The following ZFPM2 variants were observed in gnomAD, a reference collection of about 807,000 sequenced individuals.
ZFPM2 encodes zinc finger protein, FOG family member 2, also known as zinc finger protein ZFPM2.
A neutral mutation model predicts 98.6 loss-of-function variants in ZFPM2; 20 were observed. That is an observed-to-expected ratio of 0.20 (90% CI 0.14 to 0.29). The LOEUF is 0.29. Ranked by LOEUF, ZFPM2 falls within the 10% of genes least tolerant of loss-of-function variation. ZFPM2 has a pLI of 1.00. For missense variants in ZFPM2, 1,310 were observed against 1,388.6 expected, an observed-to-expected ratio of 0.94 and a Z score of 0.90; for synonymous variants, 518 against 502.7, an observed-to-expected ratio of 1.03 and a Z score of -0.41.
chr8:105,528,150 A>G (rs745364060), intron 3 of ZFPM2, among the ~76,000 whole-genome samples: 19 of 152,130 alleles, frequency 1.2e-4, no homozygotes, highest in Non-Finnish European at 2.2e-4. Flanking sequence ...CAGGTGGGAG[A>G]ATCAAGGAAG....
chr8:105,494,218 T>TATATATAG (rs1813415431), intron 3 of ZFPM2, among the ~76,000 whole-genome samples: 2 of 129,332 alleles, frequency 1.5e-5, no homozygotes, highest in African/African-American at 3.2e-5. Flanking sequence ...TATATATATA[T>TATATATAG]ATATATATAA....
chr8:105,357,030 C>T (rs1038945992), intron 1 of ZFPM2, among the ~76,000 whole-genome samples: 6 of 152,154 alleles, frequency 3.9e-5, no homozygotes, highest in African/African-American at 1.4e-4. Flanking sequence ...CCATAATTTG[C>T]AATACTTTGC....
chr8:105,730,855 G>T lies in ZFPM2; in HGVS notation c.533-57863G>T, dbSNP rs567176388. On this transcript the variant is annotated intron_variant, in intron 5 of 7. Coordinates refer to ENST00000407775, the MANE Select transcript of ZFPM2 (RefSeq NM_012082.4). ...TAATGATTAGAAAGCGTTTGGAACTGTATTACCATAGGTGACAGCTCTGCA... is the reference window on the plus strand; with the variant it reads ...TAATGATTAGAAAGCGTTTGGAACTTTATTACCATAGGTGACAGCTCTGCA... Among the ~76,000 whole-genome samples the T allele has an allele frequency of 2.8e-5, 4 of 144,342 alleles. No individual in the cohort carries two copies. In the South Asian group the frequency reaches 6.7e-4, roughly 24 times the overall value. 94.7% of individuals were successfully genotyped at this position (144,342 alleles called of 152,430 possible).
intron 3 of ZFPM2, among the ~76,000 whole-genome samples, chr8:105,537,361 T>G (rs1462848073): frequency 6.6e-6 from 1 of 152,200 alleles, no homozygotes; most frequent in Non-Finnish European, 1.5e-5. Flanking sequence ...AAAATAAAAG[T>G]TAAGACAGCT....
intron 5 of ZFPM2, among the ~76,000 whole-genome samples, chr8:105,661,168 G>A (rs1386883079): frequency 6.6e-6 from 1 of 152,134 alleles, no homozygotes; most frequent in Non-Finnish European, 1.5e-5. Context: ...TGTGTGAATT[G>A]CTTAATAAGC....
intron 3 of ZFPM2, among the ~76,000 whole-genome samples, chr8:105,454,540 G>C (rs114449420): frequency 6.6e-6 from 1 of 152,156 alleles, no homozygotes; most frequent in Admixed American, 6.5e-5. Context: ...TGATAGTACC[G>C]TGTATCAGGT....
At chr8:105,655,780 C>T (rs1381732566) in intron 5 of ZFPM2, among the ~76,000 whole-genome samples, 2 of 152,122 alleles carry the variant, frequency 1.3e-5, no homozygotes, top group Non-Finnish European at 2.9e-5. Flanking sequence ...GTTCTGGACA[C>T]TGAATCTTTA....
Position 105,740,434 on chromosome 8 carries a change from T to C in ZFPM2, c.533-48284T>C, listed in dbSNP as rs1341279873. ...AAACACATCATAAAACAAAATAGTG[T>C]AAAAATAGCAAAATTAACTAATTAT... On this transcript the variant is annotated intron_variant, in intron 5 of 7. Coordinates refer to ENST00000407775, the MANE Select transcript of ZFPM2 (RefSeq NM_012082.4). Among the ~76,000 whole-genome samples the C allele has an allele frequency of 2.3e-5, 3 of 132,114 alleles. No homozygotes were observed. In the East Asian group the frequency reaches 6.4e-4, roughly 28 times the overall value. The allele number at this position is 132,114 out of a possible 152,430, so 86.7% of individuals were successfully genotyped here.
chr8:105,345,141 T>G (rs536548923), intron 1 of ZFPM2, among the ~76,000 whole-genome samples: 3 of 152,174 alleles, frequency 2.0e-5, no homozygotes, highest in Non-Finnish European at 4.4e-5. Flanking sequence ...TAAAACTGCC[T>G]TGACATCATA....
chr8:105,646,244 C>T (rs189954272), intron 5 of ZFPM2, among the ~76,000 whole-genome samples: 192 of 152,246 alleles, frequency 1.3e-3, no homozygotes, highest in African/African-American at 4.4e-3. Context: ...ACATCCTCCA[C>T]AGACCGGCCA....
intron 1 of ZFPM2, among the ~76,000 whole-genome samples, chr8:105,360,079 C>G (rs1812828267): frequency 6.6e-6 from 1 of 152,158 alleles, no homozygotes; most frequent in African/African-American, 2.4e-5. Flanking sequence ...GTACATGGCT[C>G]TGTTCTTTCA....
chr8:105,793,455 G>C (rs1037979725), intron 6 of ZFPM2, among the ~76,000 whole-genome samples: 7 of 152,242 alleles, frequency 4.6e-5, no homozygotes, highest in South Asian at 2.1e-4. Context: ...CGAGAGATCC[G>C]CTGTTAGTCT....
In ZFPM2 at chr8:105,801,803, G is replaced by A. The variant is rs773843701; in HGVS notation, c.1721G>A (p.Arg574Gln). The A allele has an allele frequency of 5.3e-5, 85 of 1,613,818 alleles. 1 individual carries two copies. The highest frequency in any genetic ancestry group is 6.7e-5 in the Admixed American group (4 of 59,994). Residue 574 changes from arginine to glutamine, a missense_variant, in exon 8 of 8, where the codon CGA becomes CAA. Physicochemically the swap from Arg to Gln is conservative, Grantham distance 43. Transcript: ENST00000407775. ...LVHKKHYCSS[R>Q]WQQMAKSPEF... ...CACAAAAAGCATTATTGCAGCAGCC[G>A]ATGGCAGCAGATGGCTAAGTCCCCA...
At chr8:105,404,091 C>G (rs1214148973) in intron 1 of ZFPM2, among the ~76,000 whole-genome samples, 1 of 151,934 alleles carries the variant, frequency 6.6e-6, no homozygotes, top group Non-Finnish European at 1.5e-5. Flanking sequence ...TACAGGTAGT[C>G]AAAACTGAAG....
At chr8:105,353,786 C>T (rs1450822875) in intron 1 of ZFPM2, among the ~76,000 whole-genome samples, 1 of 152,082 alleles carries the variant, frequency 6.6e-6, no homozygotes, top group African/African-American at 2.4e-5. Context: ...TTCACATTGC[C>T]CTTTAGTGTT....
intron 1 of ZFPM2, among the ~76,000 whole-genome samples, chr8:105,400,924 A>G (rs1811327372): frequency 6.6e-6 from 1 of 152,052 alleles, no homozygotes. Flanking sequence ...ATCAGCAAGC[A>G]AAGTTCTCTT....
intron 1 of ZFPM2, among the ~76,000 whole-genome samples, chr8:105,320,254 CTTTG>C (rs1811998805): frequency 9.1e-6 from 1 of 110,200 alleles, no homozygotes; most frequent in Non-Finnish European, 2.0e-5. Context: ...GTATTCAGAT[CTTTG>C]TGTGTGTGTG....
chr8:105,500,788 G>C (rs1373270051), intron 3 of ZFPM2, among the ~76,000 whole-genome samples: 2 of 152,066 alleles, frequency 1.3e-5, no homozygotes, highest in African/African-American at 4.8e-5. Flanking sequence ...TTTTATGTGT[G>C]TACTTTAGTT....
intron 1 of ZFPM2, among the ~76,000 whole-genome samples, chr8:105,329,365 G>C (rs138698969): frequency 6.6e-6 from 1 of 151,918 alleles, no homozygotes; most frequent in East Asian, 1.9e-4. Context: ...ACATTTGATA[G>C]TCATTTAAAG....
Sources: allele counts gnomAD v4.1 joint callset (sites outside exome capture counted in the v4.1 genomes callset), GRCh38; gene constraint gnomAD v4.1.1; transcripts MANE v1.5; gene names NCBI Gene and HGNC (gene_info 2026-07-23, HGNC 2026-07-21).